ST18: variants seen among roughly 807,000 people sequenced by gnomAD.
ST18 encodes the protein suppression of tumorigenicity 18 protein.
ST18 carries 50 observed loss-of-function variants against 110.0 expected under a neutral mutation model. That is an observed-to-expected ratio of 0.45 (90% confidence interval 0.36 to 0.58). The LOEUF (loss-of-function observed/expected upper bound fraction) is 0.58, where lower values mean the gene tolerates loss of function less well. Among genes scored for constraint, ST18 ranks in the 20% least tolerant of loss-of-function variants. The pLI is 0.00. For synonymous variants in ST18, 461 were observed against 452.4 expected (o/e 1.02, Z -0.24); for missense variants, 1,306 against 1,280.1 (o/e 1.02, Z -0.31).
chr8:52,296,574 C>A (rs1173249717), intron 2 of ST18: 2 of 152,158 alleles, frequency 1.3e-5, no homozygotes, highest in East Asian at 3.9e-4. Context: ...AGTAACTCAG[C>A]TTGCTTACTT....
At chr8:52,291,609 T>C (rs555729692) in intron 2 of ST18, among the ~76,000 whole-genome samples, 6 of 152,354 alleles carry the variant, frequency 3.9e-5, no homozygotes, top group African/African-American at 1.4e-4. Flanking sequence ...CATTAAAATA[T>C]ATATATTTCT....
At chr8:52,320,831 G>A (rs753796817) in intron 2 of ST18, among the ~76,000 whole-genome samples, 16 of 152,144 alleles carry the variant, frequency 1.1e-4, no homozygotes, top group African/African-American at 3.4e-4. Context: ...CACAGGAGAC[G>A]CAGCCTAGAG....
chr8:52,130,271 A>G (rs2049046598), intron 22 of ST18, among the ~76,000 whole-genome samples: 1 of 152,172 alleles, frequency 6.6e-6, no homozygotes, highest in African/African-American at 2.4e-5. Context: ...ACAGGAACCT[A>G]TGATGTGTAT....
At chr8:52,262,368 G>C (rs1428570070) in intron 2 of ST18, among the ~76,000 whole-genome samples, 1 of 152,178 alleles carries the variant, frequency 6.6e-6, no homozygotes, top group East Asian at 1.9e-4. Context: ...TCTGTGCCAA[G>C]GCAGTGCAGC....
intron 8 of ST18, among the ~76,000 whole-genome samples, chr8:52,204,755 C>T (rs763255958): frequency 1.3e-5 from 2 of 152,156 alleles, no homozygotes; most frequent in African/African-American, 2.4e-5. Flanking sequence ...CAAGTCAATC[C>T]TCACATGCAG....
intron 2 of ST18, among the ~76,000 whole-genome samples, chr8:52,391,518 G>T (rs112856246): frequency 6.6e-6 from 1 of 152,162 alleles, no homozygotes; most frequent in African/African-American, 2.4e-5. Context: ...GGTCTCATGA[G>T]ATTATAATAC....
At chr8:52,367,695 T>C (rs1828671689) in intron 2 of ST18, among the ~76,000 whole-genome samples, 1 of 152,208 alleles carries the variant, frequency 6.6e-6, no homozygotes. Flanking sequence ...TCCCATCTCT[T>C]GGACCTTATT....
intron 22 of ST18, among the ~76,000 whole-genome samples, chr8:52,128,895 T>C (rs945272680): frequency 2.0e-5 from 3 of 152,210 alleles, no homozygotes; most frequent in Admixed American, 6.5e-5. Context: ...AAGTTACTTA[T>C]AAGGGTGCTG....
intron 6 of ST18, among the ~76,000 whole-genome samples, chr8:52,217,216 A>G (rs2084653206): frequency 6.6e-6 from 1 of 152,164 alleles, no homozygotes; most frequent in African/African-American, 2.4e-5. Flanking sequence ...GGGCATTTAT[A>G]TACTTCATTC....
intron 2 of ST18, among the ~76,000 whole-genome samples, chr8:52,379,563 C>T (rs1215240716): frequency 6.6e-6 from 1 of 151,286 alleles, no homozygotes; most frequent in Non-Finnish European, 1.5e-5. Context: ...TTTTGCAACA[C>T]TTCAAAAAAA....
intron 2 of ST18, among the ~76,000 whole-genome samples, chr8:52,298,679 A>G (rs1188463390): frequency 1.3e-5 from 2 of 152,236 alleles, no homozygotes; most frequent in African/African-American, 4.8e-5. Flanking sequence ...CCACGAAACT[A>G]TATGAAATTA....
chr8:52,399,178 T>C (rs1356026102), intron 2 of ST18, among the ~76,000 whole-genome samples: 1 of 152,040 alleles, frequency 6.6e-6, no homozygotes, highest in Non-Finnish European at 1.5e-5. Context: ...GTTATATTTT[T>C]CTATAAATTT....
intron 16 of ST18, among the ~76,000 whole-genome samples, chr8:52,148,490 C>A (rs919419089): frequency 1.3e-5 from 2 of 152,230 alleles, no homozygotes; most frequent in Admixed American, 6.5e-5. Flanking sequence ...TGTGCCTGTG[C>A]GTGCTACTCT....
intron 9 of ST18, among the ~76,000 whole-genome samples, chr8:52,179,098 A>T (rs1359927169): frequency 6.6e-6 from 1 of 152,226 alleles, no homozygotes; most frequent in Non-Finnish European, 1.5e-5. Context: ...TTTAAAATTC[A>T]CATTCAGAAA....
chr8:52,116,386 T>C lies in ST18; in HGVS notation c.2892A>G (p.Ile964Met). 3 of 1,613,956 alleles carry C rather than the reference T, an allele frequency of 1.9e-6. No individual in the cohort carries two copies. The highest frequency in any genetic ancestry group is 2.5e-6 in the Non-Finnish European group (3 of 1,179,918). Residue 964 changes from isoleucine to methionine, a missense_variant, in exon 25 of 26, where the codon ATA becomes ATG. By Grantham distance (10) the Ile-to-Met change is conservative. Transcript: ENST00000689386. The part of the protein sequence containing the change: ...ITSMESNLKT[I>M]EEENKLIEQN... ...GTTCTATGAGTTTGTTCTCCTCCTC[T>C]ATCGTCTTTAAGTTGCTCTCCATAG...
intron 13 of ST18, among the ~76,000 whole-genome samples, chr8:52,161,878 ATGC>A (rs1473135048): frequency 6.6e-6 from 1 of 152,228 alleles, no homozygotes; most frequent in Non-Finnish European, 1.5e-5. Flanking sequence ...CAGATATTTG[ATGC>A]TTATTAGCAT....
chr8:52,279,770 T>C (rs2095340644), intron 2 of ST18, among the ~76,000 whole-genome samples: 1 of 152,174 alleles, frequency 6.6e-6, no homozygotes, highest in African/African-American at 2.4e-5. Context: ...AAGCTGGATA[T>C]GCAACGTGAA....
At chr8:52,392,828 T>C (rs905022169) in intron 2 of ST18, among the ~76,000 whole-genome samples, 1 of 152,144 alleles carries the variant, frequency 6.6e-6, no homozygotes, top group African/African-American at 2.4e-5. Context: ...AGGCGACCAA[T>C]CAAAGGCTGA....
At chr8:52,344,312 A>T (rs1448493712) in intron 2 of ST18, among the ~76,000 whole-genome samples, 1 of 152,232 alleles carries the variant, frequency 6.6e-6, no homozygotes, top group Admixed American at 6.5e-5. Context: ...AGATGTAGAA[A>T]AATGTTAGAA....
Sources: gnomAD v4.1 joint callset for allele counts (sites outside exome capture counted in the v4.1 genomes callset) on GRCh38, gnomAD v4.1.1 for gene constraint, MANE v1.5 for transcripts, NCBI Gene and HGNC (gene_info 2026-07-23, HGNC 2026-07-21) for gene names.